MRTFA: variants seen among roughly 807,000 people sequenced by gnomAD.
MRTFA encodes the protein myocardin-related transcription factor A.
A neutral mutation model predicts 83.5 loss-of-function variants in MRTFA; 20 were observed. That is an observed-to-expected ratio of 0.24 (90% CI 0.17 to 0.35). The LOEUF is 0.35. Among genes scored for constraint, MRTFA ranks in the 10% least tolerant of loss-of-function variants. MRTFA has a pLI of 1.00. For synonymous variants in MRTFA, 659 were observed against 541.2 expected, an observed-to-expected ratio of 1.22 and a Z score of -3.02; for missense variants, 1,200 against 1,224.7, an observed-to-expected ratio of 0.98 and a Z score of 0.30.
At chr22:40,590,862 G>A (rs530952448) in intron 2 of MRTFA, among the ~76,000 whole-genome samples, 7 of 152,010 alleles carry the variant, frequency 4.6e-5, no homozygotes, top group Admixed American at 2.0e-4. Flanking sequence ...AGCTGGGCAC[G>A]GTGGCTCACA....
intron 4 of MRTFA, among the ~76,000 whole-genome samples, chr22:40,437,979 G>A (rs1429582634): frequency 6.6e-6 from 1 of 152,030 alleles, no homozygotes; most frequent in African/African-American, 2.4e-5. Context: ...TGTAAGAAAC[G>A]GACACAAGGT....
At chr22:40,560,738 C>A (rs1303934815) in intron 2 of MRTFA, among the ~76,000 whole-genome samples, 1 of 152,140 alleles carries the variant, frequency 6.6e-6, no homozygotes, top group Admixed American at 6.5e-5. Context: ...AGCATGGGGG[C>A]AGGGTCATCT....
chr22:40,586,965 A>C, intron 2 of MRTFA: 1 of 452,314 alleles, frequency 2.2e-6, no homozygotes, highest in Admixed American at 2.5e-5. Context: ...TGCCTTATCC[A>C]CCTGGAGTTT....
chr22:40,506,106 C>T (rs957613190), intron 3 of MRTFA, among the ~76,000 whole-genome samples: 1 of 151,976 alleles, frequency 6.6e-6, no homozygotes, highest in African/African-American at 2.4e-5. Flanking sequence ...TGGTAGCGGG[C>T]GCCTATAGTC....
At chr22:40,592,153 C>A (rs2056129424) in intron 2 of MRTFA, among the ~76,000 whole-genome samples, 1 of 149,486 alleles carries the variant, frequency 6.7e-6, no homozygotes, top group African/African-American at 2.5e-5. Flanking sequence ...GTGGGCCAGG[C>A]ATGGTGGCTC....
At position 40,424,227 on chromosome 22, in the gene MRTFA, G is replaced by A. The variant is rs2052905211; in HGVS notation, c.756C>T (p.Ala252=). 6.2e-7 allele frequency: 1 copy of A among 1,602,788 alleles called. No individual in the cohort carries two copies. Among genetic ancestry groups the A allele is most frequent in the South Asian group, 1.1e-5 (1 of 89,588 alleles). Residue 252 remains alanine, a synonymous_variant, in exon 8 of 15, where the codon GCC becomes GCT. Coordinates refer to ENST00000355630, the MANE Select transcript of MRTFA (RefSeq NM_020831.6). ...TCACCTGGGTGGGGGATGCAGAGGT[G>A]GCACTGAGCAGTGGTTCGCTGACTC...
In MRTFA at chr22:40,474,925, G is replaced by A. The variant is rs572818672; in HGVS notation, c.242-11639C>T. On this transcript the variant is annotated intron_variant, in intron 3 of 14. Coordinates refer to ENST00000355630, the MANE Select transcript of MRTFA (RefSeq NM_020831.6). ...ATGATTTTGGCTCAATGCAGCCTCC[G>A]CCTCCCAGGTTCAAGCTATTCTCCT... 4.5e-3 allele frequency among the ~76,000 whole-genome samples: 686 copies of A among 152,012 alleles called. 4 individuals are homozygous for A. The highest frequency in any genetic ancestry group is 7.2e-3 in the Non-Finnish European group (491 of 67,972).
chr22:40,411,598 G>C lies in MRTFA; in HGVS notation c.2888C>G (p.Thr963Ser), dbSNP rs769089004. Residue 963 changes from threonine to serine, a missense_variant, in exon 15 of 15, where the codon ACC becomes AGC. Around this residue, in one of 2 missense-constraint regions of MRTFA, gnomAD observed 1,107 missense variants for 1,041.8 expected, o/e 1.06. Coordinates refer to ENST00000355630, the MANE Select transcript of MRTFA (RefSeq NM_020831.6). ...CTCAGGAACAAAGTGCAATTCCGAG[G>C]TGTCCATGGGTGACGGGGGGTGGTC... 1.2e-6 allele frequency: 2 copies of C among 1,613,870 alleles called. No individual in the cohort carries two copies. Among genetic ancestry groups the C allele is most frequent in the Admixed American group, 3.3e-5 (2 of 60,012 alleles).
At chr22:40,461,599 A>G (rs906413047) in intron 4 of MRTFA, among the ~76,000 whole-genome samples, 38 of 148,374 alleles carry the variant, frequency 2.6e-4, no homozygotes, top group African/African-American at 9.0e-4. Flanking sequence ...CCTGGCTCAT[A>G]CGGTGAAACC....
At chr22:40,531,262 C>CTTTTTTTTTTTTTT (rs397868211) in intron 3 of MRTFA, among the ~76,000 whole-genome samples, 1 of 108,110 alleles carries the variant, frequency 9.2e-6, no homozygotes, top group Non-Finnish European at 1.9e-5. Flanking sequence ...TCATACCTGG[C>CTTTTTTTTTTTTTT]TTTTTTTTTT....
rs994747352 is a variant in MRTFA, at chr22:40,416,890, G to A, written c.2578+96C>T. On this transcript the variant is annotated intron_variant, in intron 14 of 14. Transcript: ENST00000355630. This position sits in a 1 kb window ranked among gnomAD's most constrained non-coding sequence, Gnocchi z 4.2. Reference sequence around the variant, plus strand: ...ACAGTGCTTGCCCAAGACTGGTCACGCACGGAAGCATTCAATAAAAACAAA... The same window carrying A: ...ACAGTGCTTGCCCAAGACTGGTCACACACGGAAGCATTCAATAAAAACAAA... 1.4e-5 allele frequency: 16 copies of A among 1,181,264 alleles called. No homozygotes were observed. The highest frequency in any genetic ancestry group is 5.1e-5 in the East Asian group (2 of 39,134). The allele number at this position is 1,181,264 out of a possible 1,614,324, so 73.2% of individuals were successfully genotyped here. A position where few individuals can be genotyped will look rare whatever the true frequency, so the allele number is the denominator to read the frequency against.
intron 2 of MRTFA, among the ~76,000 whole-genome samples, chr22:40,590,477 G>C (rs2056103850): frequency 6.6e-6 from 1 of 151,840 alleles, no homozygotes; most frequent in African/African-American, 2.4e-5. Context: ...GACCAGCCTG[G>C]CCAACATGGT....
intron 3 of MRTFA, among the ~76,000 whole-genome samples, chr22:40,508,091 T>C (rs2054609575): frequency 6.6e-6 from 1 of 151,824 alleles, no homozygotes; most frequent in Non-Finnish European, 1.5e-5. Context: ...GAAACATAAG[T>C]TTCTCCTAGC....
intron 1 of MRTFA, among the ~76,000 whole-genome samples, chr22:40,603,762 AT>A (rs1204265557): frequency 1.3e-5 from 2 of 149,858 alleles, no homozygotes; most frequent in East Asian, 2.0e-4. Flanking sequence ...GAAAAAAAAA[AT>A]TTTTTTTTTA....
At chr22:40,534,862 T>C (rs1469587720) in intron 3 of MRTFA, among the ~76,000 whole-genome samples, 1 of 152,206 alleles carries the variant, frequency 6.6e-6, no homozygotes, top group Non-Finnish European at 1.5e-5. Flanking sequence ...GCGAATACCT[T>C]AATGCTTACA....
At chr22:40,448,125 C>A (rs1239928359) in intron 4 of MRTFA, among the ~76,000 whole-genome samples, 1 of 152,168 alleles carries the variant, frequency 6.6e-6, no homozygotes, top group African/African-American at 2.4e-5. Flanking sequence ...TCCTGGCCAA[C>A]ACGGTGAAAC....
chr22:40,489,524 C>A (rs1013467371), intron 3 of MRTFA, among the ~76,000 whole-genome samples: 1 of 151,686 alleles, frequency 6.6e-6, no homozygotes, highest in African/African-American at 2.4e-5. Context: ...TGAAGCCCAG[C>A]CTGGTCTCGA....
intron 4 of MRTFA, 148 bp from the exon 5 acceptor site, chr22:40,435,702 G>A: frequency 2.6e-6 from 2 of 774,382 alleles, no homozygotes; most frequent in Non-Finnish European, 4.5e-6. Flanking sequence ...GGAGGCTGAG[G>A]CAGGCAGATC....
chr22:40,595,342 C>G (rs1002741720), intron 1 of MRTFA, among the ~76,000 whole-genome samples: 5 of 151,658 alleles, frequency 3.3e-5, no homozygotes, highest in Non-Finnish European at 7.4e-5. Context: ...AGGATGGTCT[C>G]GATCTCCTGA....
Sources: allele counts gnomAD v4.1 joint callset (sites outside exome capture counted in the v4.1 genomes callset), GRCh38; gene constraint gnomAD v4.1.1; regional missense constraint gnomAD v4.1.1; non-coding constraint Gnocchi (gnomAD v3.1); transcripts MANE v1.5; gene names NCBI Gene and HGNC (gene_info 2026-07-23, HGNC 2026-07-21).